Variants in STAM observed in about 807,000 individuals in gnomAD.
STAM encodes signal transducing adaptor molecule, also known as signal transducing adapter molecule 1.
STAM carries 16 observed loss-of-function variants against 63.4 expected under a neutral mutation model. The observed-to-expected ratio is 0.25, with a 90% CI of 0.17 to 0.38. The LOEUF is 0.38. Among genes scored for constraint, STAM ranks in the 10% least tolerant of loss-of-function variants. The pLI, the probability that STAM is intolerant of heterozygous loss-of-function variation, is 1.00. For synonymous variants in STAM, 238 were observed against 223.9 expected (o/e 1.06, Z -0.56); for missense variants, 636 against 657.1 (o/e 0.97, Z 0.35).
At chr10:17,705,142 A>C in intron 11 of STAM, 118 bp downstream of exon 11, 10 of 780,836 alleles carry the variant, frequency 1.3e-5, no homozygotes, top group Non-Finnish European at 1.9e-5. Flanking sequence ...ACCAACTCTC[A>C]TTCACATATC....
At position 17,696,616 on chromosome 10, in the gene STAM, T is replaced by G. The variant is rs140076681; in HGVS notation, c.729-159T>G. ...ATAGCTTCTTACCTTTTCTGAGGCT[T>G]CTTCTTCTTTTGTAATAAAGGAAGA... On this transcript the variant is annotated intron_variant, in intron 7 of 13. Coordinates refer to ENST00000377524, the MANE Select transcript of STAM (RefSeq NM_003473.4). 5.8e-4 allele frequency: 324 copies of G among 562,814 alleles called. 2 individuals carry two copies. The East Asian group carries it at 8.2e-3, about 14-fold the overall frequency. The allele number at this position is 562,814 out of a possible 1,614,324, so 34.9% of individuals were successfully genotyped here. A position where few individuals can be genotyped will look rare whatever the true frequency, so the allele number is the denominator to read the frequency against.
intron 1 of STAM, among the ~76,000 whole-genome samples, chr10:17,660,183 A>T (rs1367377766): frequency 6.6e-6 from 1 of 152,192 alleles, no homozygotes; most frequent in Non-Finnish European, 1.5e-5. Flanking sequence ...CTATTTGCAG[A>T]TGGTGGTAGA....
At chr10:17,685,948 A>G (rs1835276229) in intron 4 of STAM, among the ~76,000 whole-genome samples, 1 of 152,182 alleles carries the variant, frequency 6.6e-6, no homozygotes, top group Admixed American at 6.5e-5. Context: ...ACTGTAAATC[A>G]AGAAAAAGTT....
chr10:17,649,870 C>T (rs1411984751), intron 1 of STAM, among the ~76,000 whole-genome samples: 2 of 152,172 alleles, frequency 1.3e-5, no homozygotes, highest in East Asian at 3.8e-4. Context: ...GCCTCAGCCT[C>T]CCAAAGTGCT....
At chr10:17,687,504 AAAAAAGAAAAG>A (rs1214819310) in intron 4 of STAM, among the ~76,000 whole-genome samples, 2 of 151,694 alleles carry the variant, frequency 1.3e-5, no homozygotes, top group African/African-American at 4.8e-5. Flanking sequence ...ACAAACCAAA[AAAAAAGAAAAG>A]AAAAGAAAGG....
At chr10:17,697,159 C>T (rs1359586959) in intron 8 of STAM, among the ~76,000 whole-genome samples, 2 of 152,180 alleles carry the variant, frequency 1.3e-5, no homozygotes, top group Admixed American at 6.5e-5. Context: ...GAACTCCTGA[C>T]CTCAGGTGAT....
intron 4 of STAM, among the ~76,000 whole-genome samples, 161 bp downstream of exon 4, chr10:17,685,088 C>T (rs568030789): frequency 1.3e-5 from 2 of 152,222 alleles, no homozygotes; most frequent in South Asian, 4.1e-4. Flanking sequence ...GTTGAAGAGA[C>T]TGCGGATTCA....
At chr10:17,663,653 A>C (rs143871558) in intron 2 of STAM, among the ~76,000 whole-genome samples, 1 of 152,054 alleles carries the variant, frequency 6.6e-6, no homozygotes, top group Non-Finnish European at 1.5e-5. Flanking sequence ...TTAATCTTCA[A>C]GCATTTATTG....
chr10:17,658,838 T>G (rs1168263549), intron 1 of STAM, among the ~76,000 whole-genome samples: 5 of 152,196 alleles, frequency 3.3e-5, no homozygotes, highest in African/African-American at 9.6e-5. Context: ...AATGAGTTTC[T>G]TATAGACAAC....
intron 13 of STAM, among the ~76,000 whole-genome samples, chr10:17,710,511 C>T (rs888419369): frequency 2.0e-5 from 3 of 152,222 alleles, no homozygotes; most frequent in African/African-American, 7.2e-5. Context: ...CGTCCTGGCT[C>T]ATTCCTGCAT....
In STAM at chr10:17,684,936, C is replaced by A; in HGVS notation, c.297+9C>A. 5 of 1,594,434 alleles carry A rather than the reference C, an allele frequency of 3.1e-6. No individual in the cohort carries two copies. Among genetic ancestry groups the A allele is most frequent in the Non-Finnish European group, 4.3e-6 (5 of 1,165,874 alleles). The stretch of plus-strand genomic sequence containing the variant: ...GCAACGTATTAAATAAGGTAAGGAG[C>A]ATTATTTCCAGAAATTAATTAAGGC... On this transcript the variant is annotated intron_variant, in intron 4 of 13. Transcript: ENST00000377524.
intron 2 of STAM, among the ~76,000 whole-genome samples, chr10:17,664,155 G>T (rs1451391269): frequency 6.6e-6 from 1 of 152,062 alleles, no homozygotes; most frequent in Non-Finnish European, 1.5e-5. Flanking sequence ...AGCGTTTACA[G>T]AATTGGGTTA....
chr10:17,690,403 G>T (rs1426261225), intron 5 of STAM, among the ~76,000 whole-genome samples: 5 of 152,168 alleles, frequency 3.3e-5, no homozygotes, highest in African/African-American at 1.2e-4. Flanking sequence ...TGATCTAGAT[G>T]TTATAAAGTA....
Position 17,644,193 on chromosome 10 carries a change from G to A in STAM, c.-147G>A. 1 of 810,892 alleles carries A rather than the reference G, an allele frequency of 1.2e-6. No individual in the cohort carries two copies. The highest frequency in any genetic ancestry group is 2.0e-6 in the Non-Finnish European group (1 of 491,046). 50.2% of individuals were successfully genotyped at this position (810,892 alleles called of 1,614,324 possible). On this transcript the variant is annotated 5_prime_UTR_variant, in exon 1 of 14. Transcript: ENST00000377524. ...CCGCAGCTGCTGCCGCGGTTGGTGG[G>A]GTTGGGTGAGAGGAGGAGCTGTCGC...
chr10:17,691,605 G>A (rs1554826808), intron 5 of STAM, among the ~76,000 whole-genome samples: 1 of 152,162 alleles, frequency 6.6e-6, no homozygotes, highest in Admixed American at 6.5e-5. Context: ...TTATTATAAT[G>A]TTGAATATTT....
chr10:17,671,859 TG>T (rs1303879450), intron 2 of STAM, among the ~76,000 whole-genome samples: 1 of 152,214 alleles, frequency 6.6e-6, no homozygotes, highest in African/African-American at 2.4e-5. Context: ...ATCCTCATTT[TG>T]AAAAGTTGAT....
chr10:17,669,822 C>G (rs1248638680), intron 2 of STAM, among the ~76,000 whole-genome samples: 1 of 151,488 alleles, frequency 6.6e-6, no homozygotes, highest in Non-Finnish European at 1.5e-5. Flanking sequence ...CTCAGCCTCC[C>G]CAGTAGCTGG....
chr10:17,663,916 C>G (rs1834274724), intron 2 of STAM, among the ~76,000 whole-genome samples: 1 of 151,906 alleles, frequency 6.6e-6, no homozygotes, highest in Admixed American at 6.6e-5. Context: ...CATATTAGGA[C>G]ATTCCTGGGC....
chr10:17,704,075 C>G (rs1168660786), intron 9 of STAM, among the ~76,000 whole-genome samples: 1 of 152,200 alleles, frequency 6.6e-6, no homozygotes, highest in African/African-American at 2.4e-5. Flanking sequence ...AAGAGAATCT[C>G]TGTTAGCAGT....
Sources: allele counts gnomAD v4.1 joint callset (sites outside exome capture counted in the v4.1 genomes callset), GRCh38; gene constraint gnomAD v4.1.1; transcripts MANE v1.5; gene names NCBI Gene and HGNC (gene_info 2026-07-23, HGNC 2026-07-21).